PPM1L: variants seen among roughly 807,000 people sequenced by gnomAD.
PPM1L encodes protein phosphatase 1L.
PPM1L carries 13 observed loss-of-function variants against 31.4 expected under a neutral mutation model. The observed-to-expected ratio is 0.41, with a 90% CI of 0.27 to 0.66. The LOEUF is 0.66. Among genes scored for constraint, PPM1L ranks in the 30% least tolerant of loss-of-function variants. The pLI is 0.29. For synonymous variants in PPM1L, 184 were observed against 175.4 expected (o/e 1.05, Z -0.39); for missense variants, 326 against 453.7 (o/e 0.72, Z 2.56).
rs535859160 is a variant in PPM1L, at chr3:161,073,482, TAAG to T, written c.*4329_*4331del. 131 of 152,334 alleles carry T rather than the reference TAAG, an allele frequency of 8.6e-4. No homozygotes were observed. The highest frequency in any genetic ancestry group is 2.9e-3 in the African/African-American group (122 of 41,580). The allele number at this position is 152,334 out of a possible 1,614,324, so 9.4% of individuals were successfully genotyped here. On this transcript the variant is annotated 3_prime_UTR_variant, in exon 4 of 4. Transcript: ENST00000498165. ...GCTGACTTGTTAATAAAAGCAGTGTTAAGAAGTAGTATGACTTAATATGACCAA... is the reference window on the plus strand; with the variant it reads ...GCTGACTTGTTAATAAAAGCAGTGTTAAGTAGTATGACTTAATATGACCAA...
chr3:160,990,630 T>C (rs1289417822), intron 2 of PPM1L, among the ~76,000 whole-genome samples: 1 of 152,138 alleles, frequency 6.6e-6, no homozygotes, highest in Non-Finnish European at 1.5e-5. Context: ...AGATAGCAAT[T>C]CCTCTTTGTG....
intron 1 of PPM1L, among the ~76,000 whole-genome samples, chr3:160,961,058 G>GCAA (rs527843919): frequency 6.6e-6 from 1 of 152,030 alleles, no homozygotes; most frequent in Non-Finnish European, 1.5e-5. Context: ...AAAACAAACA[G>GCAA]CAACAACAAC....
At chr3:160,831,269 G>A (rs1472882481) in intron 1 of PPM1L, among the ~76,000 whole-genome samples, 2 of 152,168 alleles carry the variant, frequency 1.3e-5, no homozygotes, top group Non-Finnish European at 2.9e-5. Flanking sequence ...CATTATACAT[G>A]ATATGTATCA....
chr3:160,840,594 G>A (rs983993552), intron 1 of PPM1L, among the ~76,000 whole-genome samples: 1 of 152,106 alleles, frequency 6.6e-6, no homozygotes, highest in Non-Finnish European at 1.5e-5. Context: ...AAGGCCTGGT[G>A]TAACTCTCAA....
intron 2 of PPM1L, among the ~76,000 whole-genome samples, chr3:161,064,433 C>T (rs940022423): frequency 1.3e-5 from 2 of 151,906 alleles, no homozygotes; most frequent in African/African-American, 4.8e-5. Flanking sequence ...CATTTAGATA[C>T]AGTTGACATT....
intron 1 of PPM1L, among the ~76,000 whole-genome samples, chr3:160,936,484 C>T (rs1350953118): frequency 6.6e-6 from 1 of 152,184 alleles, no homozygotes; most frequent in Non-Finnish European, 1.5e-5. Context: ...AGAATGTATG[C>T]AACAGCTTCT....
intron 1 of PPM1L, among the ~76,000 whole-genome samples, chr3:160,786,149 C>CTGTGTGTG (rs1560106662): frequency 1.1e-5 from 1 of 89,066 alleles, no homozygotes; most frequent in Non-Finnish European, 1.9e-5. Context: ...CTCTCTCTCT[C>CTGTGTGTG]TCTCTCTCTG....
chr3:160,916,691 T>C (rs1320771184), intron 1 of PPM1L, among the ~76,000 whole-genome samples: 5 of 152,276 alleles, frequency 3.3e-5, no homozygotes, highest in African/African-American at 4.8e-5. Flanking sequence ...CTTTTTTTTT[T>C]CTGGCAACTC....
intron 1 of PPM1L, among the ~76,000 whole-genome samples, chr3:160,767,347 C>A (rs1415437454): frequency 6.6e-6 from 1 of 152,074 alleles, no homozygotes; most frequent in African/African-American, 2.4e-5. Flanking sequence ...GATCCTCCCA[C>A]CTCAGCCTCC....
At position 161,069,022 on chromosome 3, in the gene PPM1L, C is replaced by A; in HGVS notation, c.948C>A (p.Phe316Leu). The change falls in exon 4 of 4, where the codon TTC (phenylalanine) becomes TTA (leucine). Residue 316 changes from phenylalanine (F) to leucine (L), a missense_variant. By Grantham distance (22) the Phe-to-Leu change is conservative. Transcript: ENST00000498165. ...DAFSNEEAVR[F>L]IKERLDEPHF... is the part of the protein sequence containing the mutation. Reference sequence around the variant, plus strand: ...TCAGCAATGAAGAAGCAGTTCGATTCATCAAGGAGCGCTTGGATGAACCTC... The same window carrying A: ...TCAGCAATGAAGAAGCAGTTCGATTAATCAAGGAGCGCTTGGATGAACCTC... The A allele has an allele frequency of 6.2e-7, 1 of 1,614,164 alleles. No individual in the cohort carries two copies. Among genetic ancestry groups the A allele is most frequent in the Non-Finnish European group, 8.5e-7 (1 of 1,180,030 alleles).
intron 2 of PPM1L, among the ~76,000 whole-genome samples, chr3:161,064,174 TAAAGTA>T (rs1477084691): frequency 2.0e-5 from 3 of 148,746 alleles, no homozygotes; most frequent in East Asian, 2.0e-4. Context: ...TCCCAGAACT[TAAAGTA>T]AAATTAAAAA....
chr3:160,914,391 A>T (rs948393217), intron 1 of PPM1L, among the ~76,000 whole-genome samples: 2 of 150,112 alleles, frequency 1.3e-5, no homozygotes, highest in Admixed American at 1.3e-4. Context: ...TGCACCCATT[A>T]ACTCCTCATT....
intron 1 of PPM1L, among the ~76,000 whole-genome samples, chr3:160,823,739 G>A (rs1046316523): frequency 2.6e-5 from 4 of 152,146 alleles, no homozygotes; most frequent in Middle Eastern, 3.4e-3. Context: ...TGAAGCAAGC[G>A]TATTGGTATC....
rs796067139 is a variant in PPM1L at position 160,931,675 on chromosome 3, G to GT, written c.400-30057dup. The stretch of plus-strand genomic sequence containing the variant: ...AGGGTGGGTCTCACTATTTGTCCTT[G>GT]TTTTCAGTTCACATATGTTCCTAAT... On this transcript the variant is annotated intron_variant, in intron 1 of 3. Transcript: ENST00000498165. Among the ~76,000 whole-genome samples the GT allele has an allele frequency of 6.6e-5, 10 of 152,174 alleles. No homozygotes were observed. In the East Asian group the frequency reaches 1.9e-3, roughly 29 times the overall value.
At chr3:160,968,740 G>A (rs1409119712) in intron 2 of PPM1L, among the ~76,000 whole-genome samples, 1 of 152,180 alleles carries the variant, frequency 6.6e-6, no homozygotes, top group Non-Finnish European at 1.5e-5. Flanking sequence ...CATGGGAGCG[G>A]AAGTCTGGAA....
In PPM1L at chr3:160,874,666, T is replaced by C. The variant is rs182135254; in HGVS notation, c.400-87070T>C. On this transcript the variant is annotated intron_variant, in intron 1 of 3. Coordinates refer to ENST00000498165, the MANE Select transcript of PPM1L (RefSeq NM_139245.4). ...TGTGTTCCCCCTGCTTAAACCTATG[T>C]GGATGAATAGAATGTGTAGAATTAA... Among the ~76,000 whole-genome samples, 286 of 152,288 alleles carry C rather than the reference T, an allele frequency of 1.9e-3. 1 individual carries two copies. Among genetic ancestry groups the C allele is most frequent in the African/African-American group, 6.3e-3 (262 of 41,554 alleles).
At chr3:161,045,908 G>A (rs952208116) in intron 2 of PPM1L, among the ~76,000 whole-genome samples, 3 of 151,494 alleles carry the variant, frequency 2.0e-5, no homozygotes, top group African/African-American at 4.9e-5. Context: ...TCAGGAGATC[G>A]AGACCGTCCT....
intron 3 of PPM1L, among the ~76,000 whole-genome samples, chr3:161,067,160 T>C (rs1187265325): frequency 6.6e-6 from 1 of 152,160 alleles, no homozygotes; most frequent in African/African-American, 2.4e-5. Flanking sequence ...CCTGCAAATG[T>C]CATCTTACCA....
chr3:160,895,030 A>T (rs1576696421), intron 1 of PPM1L, among the ~76,000 whole-genome samples: 1 of 152,162 alleles, frequency 6.6e-6, no homozygotes, highest in African/African-American at 2.4e-5. Flanking sequence ...CATAGCTTGT[A>T]TTCTGTGTTA....
Sources: allele counts gnomAD v4.1 joint callset (sites outside exome capture counted in the v4.1 genomes callset), GRCh38; gene constraint gnomAD v4.1.1; transcripts MANE v1.5; gene names NCBI Gene and HGNC (gene_info 2026-07-23, HGNC 2026-07-21).